OTOGL: variants seen among roughly 807,000 people sequenced by gnomAD.
The protein encoded by OTOGL is otogelin-like protein.
OTOGL carries 285 observed loss-of-function variants against 318.5 expected under a neutral mutation model. That is an observed-to-expected ratio of 0.89 (90% CI 0.81 to 0.99). The LOEUF is 0.99. Ranked by LOEUF, OTOGL falls within the 50% of genes least tolerant of loss-of-function variation. OTOGL has a pLI of 0.00. For synonymous variants in OTOGL, 987 were observed against 936.5 expected, an observed-to-expected ratio of 1.05 and a Z score of -0.99; for missense variants, 2,899 against 2,845.6, an observed-to-expected ratio of 1.02 and a Z score of -0.43.
At chr12:80,206,235 C>A (rs1029152968) in intron 1 of OTOGL, among the ~76,000 whole-genome samples, 1 of 152,140 alleles carries the variant, frequency 6.6e-6, no homozygotes, top group Non-Finnish European at 1.5e-5. Flanking sequence ...TCTAATCTTT[C>A]ATCTAAACTC....
chr12:80,301,456 T>C (rs1366351583), intron 27 of OTOGL, among the ~76,000 whole-genome samples: 1 of 152,234 alleles, frequency 6.6e-6, no homozygotes, highest in Non-Finnish European at 1.5e-5. Flanking sequence ...TGATAATTAC[T>C]CTGGATAACT....
At chr12:80,200,546 C>A (rs1305521287) in intron 1 of OTOGL, among the ~76,000 whole-genome samples, 2 of 152,172 alleles carry the variant, frequency 1.3e-5, no homozygotes, top group Non-Finnish European at 2.9e-5. Flanking sequence ...GGCTTGTGAA[C>A]TTGGGAGATG....
intron 1 of OTOGL, among the ~76,000 whole-genome samples, chr12:80,170,483 G>C (rs928645294): frequency 6.6e-6 from 1 of 151,736 alleles, no homozygotes; most frequent in African/African-American, 2.4e-5. Context: ...GCCCAGGCTG[G>C]AGTACAGTGG....
chr12:80,214,239 A>G (rs1877510961), intron 4 of OTOGL, among the ~76,000 whole-genome samples: 1 of 152,244 alleles, frequency 6.6e-6, no homozygotes, highest in Non-Finnish European at 1.5e-5. Context: ...TGGAAAGTGT[A>G]CAAATAAAGG....
At chr12:80,250,404 T>C (rs930816960) in intron 11 of OTOGL, among the ~76,000 whole-genome samples, 2 of 152,184 alleles carry the variant, frequency 1.3e-5, no homozygotes, top group African/African-American at 4.8e-5. Flanking sequence ...GTGAGTATTA[T>C]AGTAATAGTT....
At chr12:80,194,775 T>G (rs1020034647) in intron 1 of OTOGL, among the ~76,000 whole-genome samples, 1 of 152,132 alleles carries the variant, frequency 6.6e-6, no homozygotes, top group African/African-American at 2.4e-5. Flanking sequence ...ATATTAAAAT[T>G]TAAAAAAATA....
chr12:80,369,243 T>C (rs1890736174), intron 55 of OTOGL, among the ~76,000 whole-genome samples: 1 of 152,054 alleles, frequency 6.6e-6, no homozygotes, highest in Non-Finnish European at 1.5e-5. Context: ...CCAATGAGCT[T>C]ATTATGTTTA....
At chr12:80,179,018 A>G (rs1479295460) in intron 1 of OTOGL, among the ~76,000 whole-genome samples, 1 of 152,082 alleles carries the variant, frequency 6.6e-6, no homozygotes, top group African/African-American at 2.4e-5. Flanking sequence ...TTCTAAGAAG[A>G]GTAAGGCAGG....
chr12:80,254,614 T>A (rs772313054), intron 15 of OTOGL, 44 bp downstream of exon 15: 4 of 1,505,974 alleles, frequency 2.7e-6, no homozygotes, highest in Non-Finnish European at 3.7e-6. Context: ...TCAAATTTCT[T>A]TAGACTGGGG....
At chr12:80,157,556 T>G (rs1873210020) in intron 1 of OTOGL, among the ~76,000 whole-genome samples, 1 of 152,204 alleles carries the variant, frequency 6.6e-6, no homozygotes. Context: ...TTTCATAGTT[T>G]GAGGTCTTAG....
Position 80,337,800 on chromosome 12 carries a change from C to T in OTOGL, c.4860+796C>T, listed in dbSNP as rs985529483. Among the ~76,000 whole-genome samples, 23 of 151,842 alleles carry T rather than the reference C, an allele frequency of 1.5e-4. 1 individual carries two copies. The highest frequency in any genetic ancestry group is 1.4e-3 in the Admixed American group (21 of 15,222). ...AGACTGAAAAGAATATTAAAATGAG[C>T]CTAAAAATGTAAGAAGATATTTAAA... On this transcript the variant is annotated intron_variant, in intron 42 of 58. Transcript: ENST00000547103.
intron 1 of OTOGL, among the ~76,000 whole-genome samples, chr12:80,157,905 G>A (rs1187572993): frequency 6.6e-6 from 1 of 151,928 alleles, no homozygotes; most frequent in African/African-American, 2.4e-5. Context: ...ATCAATTTCT[G>A]TTGTAAATTC....
At position 80,265,046 on chromosome 12, in the gene OTOGL, C is replaced by A; in HGVS notation, c.2060C>A (p.Ala687Asp). Residue 687 changes from alanine to aspartate, a missense_variant, in exon 20 of 59, where the codon GCT becomes GAT. Physicochemically the swap from Ala to Asp is moderately radical, Grantham distance 126 (BLOSUM62 -2). Coordinates refer to ENST00000547103, the MANE Select transcript of OTOGL (RefSeq NM_001378609.3). ...GATGTCATCCACCAGGAGCTCTTTGCTCCTTGCCACATCTATATTAGCCCT... is the reference window on the plus strand; with the variant it reads ...GATGTCATCCACCAGGAGCTCTTTGATCCTTGCCACATCTATATTAGCCCT... ...HCDVIHQELF[A>D]PCHIYISPGL... is the part of the protein sequence containing the mutation. 1 of 1,613,934 alleles carries A rather than the reference C, an allele frequency of 6.2e-7. No individual in the cohort carries two copies. The highest frequency in any genetic ancestry group is 1.1e-5 in the South Asian group (1 of 91,088).
intron 2 of OTOGL, 21 bp from the exon 3 acceptor site, chr12:80,210,826 T>C (rs1281240433): frequency 6.3e-6 from 9 of 1,420,106 alleles, no homozygotes; most frequent in East Asian, 2.7e-5. Context: ...TTTTTCATTC[T>C]TATATATTTG....
At position 80,378,217 on chromosome 12, in the gene OTOGL, G is replaced by A; in HGVS notation, c.*169G>A. The A allele has an allele frequency of 1.9e-6, 1 of 528,994 alleles. No homozygotes were observed. The highest frequency in any genetic ancestry group is 3.3e-6 in the Non-Finnish European group (1 of 305,380). The allele number at this position is 528,994 out of a possible 1,614,324, so 32.8% of individuals were successfully genotyped here. Reference sequence around the variant, plus strand: ...GTACAAAATATATACAGTTTCAATAGCAAAATTAAATTTATTGCTTTACTC... The same window carrying A: ...GTACAAAATATATACAGTTTCAATAACAAAATTAAATTTATTGCTTTACTC... On this transcript the variant is annotated 3_prime_UTR_variant, in exon 59 of 59. Transcript: ENST00000547103.
At chr12:80,269,634 C>T (rs533767667) in intron 22 of OTOGL, among the ~76,000 whole-genome samples, 43 of 152,236 alleles carry the variant, frequency 2.8e-4, no homozygotes, top group Middle Eastern at 6.8e-3. Flanking sequence ...GCCTTCCTAC[C>T]TTAGGTGTGC....
In OTOGL at chr12:80,255,155, G is replaced by A. The variant is rs544071958; in HGVS notation, c.1557G>A (p.Thr519=). ...LVKGTGKDKF[T]ITLQKAPCEQ... Reference sequence around the variant, plus strand: ...AAGGAACTGGAAAAGATAAATTCACGATTACTTTACAGAAAGCTCCCTGTG... The same window carrying A: ...AAGGAACTGGAAAAGATAAATTCACAATTACTTTACAGAAAGCTCCCTGTG... Residue 519 remains threonine (T), a synonymous_variant, in exon 16 of 59, where the codon ACG becomes ACA. Coordinates refer to ENST00000547103, the MANE Select transcript of OTOGL (RefSeq NM_001378609.3). The A allele has an allele frequency of 6.6e-6, 10 of 1,520,706 alleles. No homozygotes were observed. Among genetic ancestry groups the A allele is most frequent in the South Asian group, 2.6e-5 (2 of 75,914 alleles). 94.2% of individuals were successfully genotyped at this position (1,520,706 alleles called of 1,614,324 possible).
At chr12:80,227,556 A>T (rs1878974537) in intron 7 of OTOGL, among the ~76,000 whole-genome samples, 1 of 152,214 alleles carries the variant, frequency 6.6e-6, no homozygotes, top group African/African-American at 2.4e-5. Flanking sequence ...TTGTTGGACT[A>T]CTGTGAGAGT....
intron 57 of OTOGL, 76 bp downstream of exon 57, chr12:80,372,140 C>A: frequency 9.4e-7 from 1 of 1,063,000 alleles, no homozygotes. Context: ...GTTTTTCTCA[C>A]AAAATTCAAT....
Sources: allele counts gnomAD v4.1 joint callset (sites outside exome capture counted in the v4.1 genomes callset), GRCh38; gene constraint gnomAD v4.1.1; transcripts MANE v1.5; gene names NCBI Gene and HGNC (gene_info 2026-07-23, HGNC 2026-07-21).